Variants in GALNT5 observed in about 807,000 individuals in gnomAD.
GALNT5 encodes the protein polypeptide N-acetylgalactosaminyltransferase 5.
In GALNT5, 72 loss-of-function variants were observed where a neutral mutation model predicts 85.4. That is an observed-to-expected ratio of 0.84 (90% CI 0.70 to 1.03). The LOEUF is 1.03. Ranked by LOEUF, GALNT5 falls within the 50% of genes least tolerant of loss-of-function variation. The pLI is 0.00. For synonymous variants in GALNT5, 404 were observed against 397.0 expected, an observed-to-expected ratio of 1.02 and a Z score of -0.21; for missense variants, 1,137 against 1,135.5, an observed-to-expected ratio of 1.00 and a Z score of -0.02.
At chr2:157,308,486 C>A (rs185520999) in intron 8 of GALNT5, 81 bp from the exon 9 acceptor site, 67 of 1,005,414 alleles carry the variant, frequency 6.7e-5, no homozygotes, top group Non-Finnish European at 7.0e-5. Context: ...ATATTCTTAA[C>A]TGTTGCTAAC....
At chr2:157,274,266 G>T (rs1269058027) in intron 1 of GALNT5, among the ~76,000 whole-genome samples, 3 of 152,128 alleles carry the variant, frequency 2.0e-5, no homozygotes, top group Admixed American at 2.0e-4. Context: ...ATCATTAATA[G>T]TGCCGCAATA....
chr2:157,261,378 T>C (rs758581836), intron 1 of GALNT5, among the ~76,000 whole-genome samples: 12 of 152,224 alleles, frequency 7.9e-5, no homozygotes, highest in Non-Finnish European at 1.5e-4. Flanking sequence ...TTAGTTTCTA[T>C]ACTTTGTTCT....
intron 7 of GALNT5, among the ~76,000 whole-genome samples, chr2:157,303,260 A>G (rs528363549): frequency 1.4e-4 from 21 of 152,222 alleles, no homozygotes; most frequent in Non-Finnish European, 2.5e-4. Flanking sequence ...ACAAGCAGAA[A>G]TTTAAATCCA....
At chr2:157,306,422 C>T (rs1470033956) in intron 8 of GALNT5, among the ~76,000 whole-genome samples, 1 of 152,134 alleles carries the variant, frequency 6.6e-6, no homozygotes, top group Non-Finnish European at 1.5e-5. Flanking sequence ...GGAAAACTCC[C>T]CAAACTCAGA....
chr2:157,296,533 G>A lies in GALNT5; in HGVS notation c.1997+20G>A. ...AATAAGGTAAGTGTGGGAAATTTAA[G>A]ACTAGAAAGCAGTCATGTATCTTTT... On this transcript the variant is annotated intron_variant, in intron 5 of 9. Coordinates refer to ENST00000259056, the MANE Select transcript of GALNT5 (RefSeq NM_014568.3). 1.3e-6 allele frequency: 2 copies of A among 1,590,122 alleles called. No homozygotes were observed. The highest frequency in any genetic ancestry group is 2.2e-5 in the East Asian group (1 of 44,576).
In GALNT5 at chr2:157,299,643, A is replaced by C; in HGVS notation, c.2093A>C (p.Glu698Ala). Residue 698 changes from glutamate (E) to alanine (A), a missense_variant, in exon 6 of 10, where the codon GAA (glutamate) becomes GCA (alanine). Glu to Ala is a moderately radical substitution (Grantham distance 107). Transcript: ENST00000259056. ...YDPGLDVWGG[E>A]NMELSFKVWM... is the part of the protein sequence containing the mutation. The stretch of plus-strand genomic sequence containing the variant: ...CCTGGCCTTGATGTTTGGGGTGGGG[A>C]AAATATGGAGCTCTCATTCAAGGTA... 1 of 1,599,276 alleles carries C rather than the reference A, an allele frequency of 6.3e-7. No homozygotes were observed. Among genetic ancestry groups the C allele is most frequent in the African/African-American group, 1.3e-5 (1 of 74,690 alleles).
chr2:157,294,620 G>A (rs571529126), intron 3 of GALNT5, among the ~76,000 whole-genome samples: 2 of 152,242 alleles, frequency 1.3e-5, no homozygotes, highest in South Asian at 4.1e-4. Context: ...TCAACACACT[G>A]GCTGGGCACC....
intron 3 of GALNT5, among the ~76,000 whole-genome samples, chr2:157,289,564 G>A (rs1683050267): frequency 2.0e-5 from 3 of 152,136 alleles, no homozygotes. Context: ...TTCACTAAGG[G>A]AATCTACAGC....
chr2:157,284,034 T>C (rs1402214776), intron 1 of GALNT5, among the ~76,000 whole-genome samples: 1 of 152,208 alleles, frequency 6.6e-6, no homozygotes, highest in Non-Finnish European at 1.5e-5. Context: ...TCTAGTCCTT[T>C]TATAACAACC....
At chr2:157,268,727 C>A (rs1430295776) in intron 1 of GALNT5, among the ~76,000 whole-genome samples, 2 of 152,186 alleles carry the variant, frequency 1.3e-5, no homozygotes, top group African/African-American at 4.8e-5. Flanking sequence ...AAACTCCCCA[C>A]ATTAGAGGCC....
intron 1 of GALNT5, among the ~76,000 whole-genome samples, chr2:157,273,950 T>A (rs1682657776): frequency 6.6e-6 from 1 of 152,048 alleles, no homozygotes; most frequent in Non-Finnish European, 1.5e-5. Context: ...CATTAGGTAT[T>A]TCTCCTAATG....
intron 1 of GALNT5, among the ~76,000 whole-genome samples, chr2:157,282,323 T>G (rs532329805): frequency 4.6e-5 from 7 of 152,334 alleles, no homozygotes; most frequent in African/African-American, 1.7e-4. Flanking sequence ...TGAGTCATTC[T>G]TTTGTTTGTT....
chr2:157,281,878 A>T (rs1021821482), intron 1 of GALNT5, among the ~76,000 whole-genome samples: 8 of 152,202 alleles, frequency 5.3e-5, no homozygotes, highest in Admixed American at 1.3e-4. Flanking sequence ...GAGAGTACCA[A>T]GCAAAATGTT....
chr2:157,286,846 C>T (rs1347427288), intron 3 of GALNT5, among the ~76,000 whole-genome samples: 1 of 151,078 alleles, frequency 6.6e-6, no homozygotes, highest in East Asian at 1.9e-4. Context: ...ATACTTTGGT[C>T]TTCTTAGTCT....
At chr2:157,287,194 G>A (rs1683000178) in intron 3 of GALNT5, among the ~76,000 whole-genome samples, 4 of 152,070 alleles carry the variant, frequency 2.6e-5, no homozygotes, top group Non-Finnish European at 5.9e-5. Context: ...GTAATTTGTG[G>A]AATGACACAT....
intron 1 of GALNT5, among the ~76,000 whole-genome samples, chr2:157,280,476 G>C (rs1682832613): frequency 6.6e-6 from 1 of 152,176 alleles, no homozygotes; most frequent in Non-Finnish European, 1.5e-5. Flanking sequence ...AACATATGGA[G>C]GGACTGAGGT....
intron 5 of GALNT5, among the ~76,000 whole-genome samples, chr2:157,298,490 T>TA (rs1180699988): frequency 6.6e-6 from 1 of 152,140 alleles, no homozygotes; most frequent in Non-Finnish European, 1.5e-5. Context: ...CCGCAGCCTT[T>TA]CATTAGCCAA....
chr2:157,284,182 G>A (rs1682916722), intron 1 of GALNT5, 100 bp from the exon 2 acceptor site: 1 of 825,806 alleles, frequency 1.2e-6, no homozygotes, highest in Non-Finnish European at 2.1e-6. Flanking sequence ...GACAGATTAA[G>A]TGTGTGTGTA....
In GALNT5 at chr2:157,317,794, GTT is replaced by G. The variant is rs776251490; in HGVS notation, c.*6447_*6448del. On this transcript the variant is annotated 3_prime_UTR_variant, in exon 10 of 10. Coordinates refer to ENST00000259056, the MANE Select transcript of GALNT5 (RefSeq NM_014568.3). Reference sequence around the variant, plus strand: ...ATCATTTGATTTTGTAGTTTGCCATGTTCTGAGTGAGTTCAGCTGCTTACTAC... The same window carrying G: ...ATCATTTGATTTTGTAGTTTGCCATGCTGAGTGAGTTCAGCTGCTTACTAC... Among the ~76,000 whole-genome samples the G allele has an allele frequency of 2.0e-5, 3 of 152,060 alleles. No homozygotes were observed. Among genetic ancestry groups the G allele is most frequent in the Non-Finnish European group, 4.4e-5 (3 of 67,978 alleles).
Sources: gnomAD v4.1 joint callset for allele counts (sites outside exome capture counted in the v4.1 genomes callset) on GRCh38, gnomAD v4.1.1 for gene constraint, MANE v1.5 for transcripts, NCBI Gene and HGNC (gene_info 2026-07-23, HGNC 2026-07-21) for gene names.